The following SNN variants were observed in gnomAD, a reference collection of about 807,000 sequenced individuals.
SNN encodes the protein stannin.
Under a neutral mutation model 5.3 loss-of-function variants are expected in SNN, and 5 were observed. The ratio of observed to expected loss-of-function variants is 0.94; its 90% CI spans 0.49 to 1.97. The LOEUF is 1.97. SNN is among the 30% of genes most tolerant of loss of function. SNN has a pLI of 0.01. For synonymous variants in SNN, 67 were observed against 52.1 expected (o/e 1.29, Z -1.24); for missense variants, 127 against 121.6 (o/e 1.04, Z -0.21).
rs539464572 is a variant in SNN at position 11,671,852 on chromosome 16, C to T, written c.-86+3312C>T. Among the ~76,000 whole-genome samples the T allele has an allele frequency of 3.3e-4, 50 of 152,298 alleles. No homozygotes were observed. Among genetic ancestry groups the T allele is most frequent in the Non-Finnish European group, 6.8e-4 (46 of 68,028 alleles). On this transcript the variant is annotated intron_variant, in intron 1 of 1. Coordinates refer to ENST00000329565, the MANE Select transcript of SNN (RefSeq NM_003498.6). This position sits in a 1 kb window ranked among gnomAD's most constrained non-coding sequence, Gnocchi z 4.7. ...GCTGCCCTCCGCGCTTTGAGTTTCC[C>T]GGGGCTCTGCTTGGCCACCCCCTTC...
At position 11,676,287 on chromosome 16, in the gene SNN, C is replaced by G; in HGVS notation, c.228C>G (p.Ala76=). 1 of 1,614,140 alleles carries G rather than the reference C, an allele frequency of 6.2e-7. No homozygotes were observed. The highest frequency in any genetic ancestry group is 8.5e-7 in the Non-Finnish European group (1 of 1,179,998). ...SAKGPCVERK[A]KLMTPNGPEV... ...AGGGACCGTGCGTGGAGAGAAAGGC[C>G]AAGCTGATGACTCCCAACGGCCCGG... Residue 76 remains alanine, a synonymous_variant, in exon 2 of 2, where the codon GCC becomes GCG. Transcript: ENST00000329565.
rs145466099 is a variant in SNN, at chr16:11,672,638, G to A, written c.-85-3337G>A. 6.7e-3 allele frequency among the ~76,000 whole-genome samples: 1,017 copies of A among 152,278 alleles called. 17 individuals carry two copies. The highest frequency in any genetic ancestry group is 0.023 in the African/African-American group (971 of 41,536). On this transcript the variant is annotated intron_variant, in intron 1 of 1. Transcript: ENST00000329565. This position sits in a 1 kb window ranked among gnomAD's most constrained non-coding sequence, Gnocchi z 6.0. ...TGAATGAAGGAACAGATACGCACTC[G>A]GGAGGGCCGGACCACAGGCCAGGCG...
At position 11,676,361 on chromosome 16, in the gene SNN, C is replaced by T. The variant is rs368657007; in HGVS notation, c.*35C>T. On this transcript the variant is annotated 3_prime_UTR_variant, in exon 2 of 2. Coordinates refer to ENST00000329565, the MANE Select transcript of SNN (RefSeq NM_003498.6). ...CAAGGCTCCTGGTCCTGTTTGCAGC[C>T]GGCCAAGAGGCGCTGGGAGGGGCAA... 26 of 1,596,468 alleles carry T rather than the reference C, an allele frequency of 1.6e-5. 1 individual carries two copies. Among genetic ancestry groups the T allele is most frequent in the South Asian group, 2.2e-5 (2 of 90,052 alleles).
In SNN at chr16:11,672,368, G is replaced by A. The variant is rs1209361718; in HGVS notation, c.-85-3607G>A. 6.6e-6 allele frequency among the ~76,000 whole-genome samples: 1 copy of A among 152,132 alleles called. No individual in the cohort carries two copies. The highest frequency in any genetic ancestry group is 2.1e-4 in the South Asian group (1 of 4,824). On this transcript the variant is annotated intron_variant, in intron 1 of 1. Coordinates refer to ENST00000329565, the MANE Select transcript of SNN (RefSeq NM_003498.6). The surrounding 1 kb of genome is among the most constrained non-coding windows in gnomAD (Gnocchi z 6.0). Reference sequence around the variant, plus strand: ...AGTGGTGGGGTGTGGGAGGAGGGGCGCCTGGGTCCAGGGTGGTCTGGGAGG... The same window carrying A: ...AGTGGTGGGGTGTGGGAGGAGGGGCACCTGGGTCCAGGGTGGTCTGGGAGG...
chr16:11,669,878 C>T lies in SNN; in HGVS notation c.-86+1338C>T, dbSNP rs78891184. ...CCTAGGGGATTCTGGAGCGAGTTTC[C>T]TCTTCTGAGGATGGGGGTGTCATGG... On this transcript the variant is annotated intron_variant, in intron 1 of 1. Transcript: ENST00000329565. Among the ~76,000 whole-genome samples, 373 of 152,196 alleles carry T rather than the reference C, an allele frequency of 2.5e-3. 3 individuals carry two copies. Among genetic ancestry groups the T allele is most frequent in the South Asian group, 0.015 (73 of 4,830 alleles).
In SNN at chr16:11,672,653, C is replaced by G. The variant is rs2050273332; in HGVS notation, c.-85-3322C>G. 6.6e-6 allele frequency among the ~76,000 whole-genome samples: 1 copy of G among 152,214 alleles called. No homozygotes were observed. Among genetic ancestry groups the G allele is most frequent in the South Asian group, 2.1e-4 (1 of 4,838 alleles). On this transcript the variant is annotated intron_variant, in intron 1 of 1. Transcript: ENST00000329565. This position sits in a 1 kb window ranked among gnomAD's most constrained non-coding sequence, Gnocchi z 6.0. ...ATACGCACTCGGGAGGGCCGGACCA[C>G]AGGCCAGGCGTGACTGTGGCTCAGT...
In SNN at chr16:11,676,508, C is replaced by T; in HGVS notation, c.*182C>T. On this transcript the variant is annotated 3_prime_UTR_variant, in exon 2 of 2. Coordinates refer to ENST00000329565, the MANE Select transcript of SNN (RefSeq NM_003498.6). ...CTGGCTGTCCTGGGCTTCCCCTCGG[C>T]CTCCAGGTGAGGCTGCCCATTGCAG... 1 of 737,724 alleles carries T rather than the reference C, an allele frequency of 1.4e-6. No individual in the cohort carries two copies. The highest frequency in any genetic ancestry group is 2.2e-6 in the Non-Finnish European group (1 of 451,182). 45.7% of individuals were successfully genotyped at this position (737,724 alleles called of 1,614,324 possible). A position where few individuals can be genotyped will look rare whatever the true frequency, so the allele number is the denominator to read the frequency against.
In SNN at chr16:11,668,763, G is replaced by A. The variant is rs1487522241; in HGVS notation, c.-86+223G>A. 2.1e-4 allele frequency among the ~76,000 whole-genome samples: 32 copies of A among 151,052 alleles called. 1 individual carries two copies. The South Asian group carries it at 6.7e-3, about 31-fold the overall frequency. On this transcript the variant is annotated intron_variant, in intron 1 of 1. Transcript: ENST00000329565. This position sits in a 1 kb window ranked among gnomAD's most constrained non-coding sequence, Gnocchi z 6.8. ...TTCTTTGTCAGCGGCGCTGCGGCGA[G>A]ATCCGGACAAAGGAGGCGGCGGGGG...
rs902580881 is a variant in SNN, at chr16:11,672,844, G to T, written c.-85-3131G>T. On this transcript the variant is annotated intron_variant, in intron 1 of 1. Coordinates refer to ENST00000329565, the MANE Select transcript of SNN (RefSeq NM_003498.6). This position sits in a 1 kb window ranked among gnomAD's most constrained non-coding sequence, Gnocchi z 6.0. Reference sequence around the variant, plus strand: ...CCTCAGTTTCCTCATTAGTCCTGGGGCCAGTGGTTGAACTGGGGCCCTTGA... The same window carrying T: ...CCTCAGTTTCCTCATTAGTCCTGGGTCCAGTGGTTGAACTGGGGCCCTTGA... Among the ~76,000 whole-genome samples, 1 of 152,112 alleles carries T rather than the reference G, an allele frequency of 6.6e-6. No homozygotes were observed. Among genetic ancestry groups the T allele is most frequent in the Non-Finnish European group, 1.5e-5 (1 of 68,024 alleles).
intron 1 of SNN, among the ~76,000 whole-genome samples, chr16:11,674,940 A>T (rs1298011753): frequency 6.6e-6 from 1 of 152,112 alleles, no homozygotes; most frequent in African/African-American, 2.4e-5. Flanking sequence ...ACCATCAGGG[A>T]GGGAGCCTCT....
rs939895843 is a variant in SNN at position 11,668,702 on chromosome 16, A to G, written c.-86+162A>G. Among the ~76,000 whole-genome samples the G allele has an allele frequency of 7.9e-6, 1 of 126,462 alleles. No homozygotes were observed. The highest frequency in any genetic ancestry group is 1.7e-5 in the Non-Finnish European group (1 of 59,248). 83.0% of individuals were successfully genotyped at this position (126,462 alleles called of 152,430 possible). The stretch of plus-strand genomic sequence containing the variant: ...CGGCCCGGCGGGCGCGGCTCGGGGG[A>G]GGGTCCGTTCCAGGGGCCGCGCCCG... On this transcript the variant is annotated intron_variant, in intron 1 of 1. Transcript: ENST00000329565. This position sits in a 1 kb window ranked among gnomAD's most constrained non-coding sequence, Gnocchi z 6.8.
Position 11,676,419 on chromosome 16 carries a change from G to A in SNN, c.*93G>A. 7 of 1,419,706 alleles carry A rather than the reference G, an allele frequency of 4.9e-6. No individual in the cohort carries two copies. In the South Asian group the frequency reaches 9.4e-5, roughly 19 times the overall value. The allele number at this position is 1,419,706 out of a possible 1,614,324, so 87.9% of individuals were successfully genotyped here. On this transcript the variant is annotated 3_prime_UTR_variant, in exon 2 of 2. Transcript: ENST00000329565. The stretch of plus-strand genomic sequence containing the variant: ...CGGATGCGCTGCTGTCTGAGAGGAA[G>A]GGCTGACACTTGCTGGCATGGCCTC...
intron 1 of SNN, among the ~76,000 whole-genome samples, chr16:11,669,675 G>A (rs1174481675): frequency 6.6e-6 from 1 of 152,336 alleles, no homozygotes; most frequent in East Asian, 1.9e-4. Flanking sequence ...GCATCTACAA[G>A]CAAAGTTGTT....
chr16:11,675,277 T>G (rs2050292812), intron 1 of SNN, among the ~76,000 whole-genome samples: 1 of 147,804 alleles, frequency 6.8e-6, no homozygotes, highest in Non-Finnish European at 1.5e-5. Context: ...TTTTTTTTTT[T>G]GAAGAGACTC....
At chr16:11,675,098 G>C (rs114227711) in intron 1 of SNN, among the ~76,000 whole-genome samples, 2 of 152,082 alleles carry the variant, frequency 1.3e-5, no homozygotes. Context: ...GGTGTGCCGC[G>C]TTCCAGGGGT....
chr16:11,674,972 C>T lies in SNN; in HGVS notation c.-85-1003C>T, dbSNP rs533134562. Among the ~76,000 whole-genome samples, 32 of 152,286 alleles carry T rather than the reference C, an allele frequency of 2.1e-4. No homozygotes were observed. The South Asian group carries it at 6.4e-3, about 31-fold the overall frequency. On this transcript the variant is annotated intron_variant, in intron 1 of 1. Transcript: ENST00000329565. ...CTCTGTCTCACCCTCCCTGCCTCCCCGAAGCTTTCCCAAGTGCCTGTCTCC... is the reference window on the plus strand; with the variant it reads ...CTCTGTCTCACCCTCCCTGCCTCCCTGAAGCTTTCCCAAGTGCCTGTCTCC...
At position 11,676,414 on chromosome 16, in the gene SNN, A is replaced by C; in HGVS notation, c.*88A>C. ...CCATACGGATGCGCTGCTGTCTGAG[A>C]GGAAGGGCTGACACTTGCTGGCATG... On this transcript the variant is annotated 3_prime_UTR_variant, in exon 2 of 2. Transcript: ENST00000329565. 1 of 1,445,860 alleles carries C rather than the reference A, an allele frequency of 6.9e-7. No homozygotes were observed. Among genetic ancestry groups the C allele is most frequent in the Non-Finnish European group, 9.3e-7 (1 of 1,071,086 alleles). 89.6% of individuals were successfully genotyped at this position (1,445,860 alleles called of 1,614,324 possible).
chr16:11,676,627 ACTG>A lies in SNN; in HGVS notation c.*302_*304del, dbSNP rs1332828339. The stretch of plus-strand genomic sequence containing the variant: ...TGAGCCTGTTTTTGATGGAGCTACT[ACTG>A]TAATGCGTGAACTAACAAACCTGTG... On this transcript the variant is annotated 3_prime_UTR_variant, in exon 2 of 2. Transcript: ENST00000329565. The A allele has an allele frequency of 9.8e-6, 4 of 406,618 alleles. No homozygotes were observed. Among genetic ancestry groups the A allele is most frequent in the Non-Finnish European group, 1.9e-5 (4 of 213,258 alleles). 25.2% of individuals were successfully genotyped at this position (406,618 alleles called of 1,614,324 possible).
Position 11,672,163 on chromosome 16 carries a change from C to T in SNN, c.-86+3623C>T, listed in dbSNP as rs1273025927. Among the ~76,000 whole-genome samples, 1 of 152,194 alleles carries T rather than the reference C, an allele frequency of 6.6e-6. No homozygotes were observed. Among genetic ancestry groups the T allele is most frequent in the Non-Finnish European group, 1.5e-5 (1 of 68,038 alleles). ...GGGAGGGAACACTCAACAGACCATT[C>T]ACTGAGCACCTACTGTGTACCCGTG... On this transcript the variant is annotated intron_variant, in intron 1 of 1. Coordinates refer to ENST00000329565, the MANE Select transcript of SNN (RefSeq NM_003498.6). This position sits in a 1 kb window ranked among gnomAD's most constrained non-coding sequence, Gnocchi z 6.0.
Sources: allele counts gnomAD v4.1 joint callset (sites outside exome capture counted in the v4.1 genomes callset), GRCh38; gene constraint gnomAD v4.1.1; non-coding constraint Gnocchi (gnomAD v3.1); transcripts MANE v1.5; gene names NCBI Gene and HGNC (gene_info 2026-07-23, HGNC 2026-07-21).